Variants in CTTN observed in about 807,000 individuals in gnomAD.
CTTN encodes src substrate cortactin.
Under a neutral mutation model 84.0 loss-of-function variants are expected in CTTN, and 28 were observed. The observed-to-expected ratio is 0.33, with a 90% CI of 0.25 to 0.46. CTTN has a LOEUF of 0.46. Ranked by LOEUF, CTTN falls within the 20% of genes least tolerant of loss-of-function variation. The probability of loss-of-function intolerance (pLI) is 1.00; values close to 1 mark genes in which losing one functional copy is unlikely to be tolerated. For missense variants in CTTN, 641 were observed against 723.8 expected (o/e 0.89, Z 1.31); for synonymous variants, 301 against 288.8 (o/e 1.04, Z -0.43).
rs1252489747 is a variant in CTTN, at chr11:70,407,564, A to T, written c.134A>T (p.Gln45Leu). 1 of 1,613,884 alleles carries T rather than the reference A, an allele frequency of 6.2e-7. No individual in the cohort carries two copies. ...KEQRWGAKTVQGSGHQEHINI... is the reference protein window; with the variant it reads ...KEQRWGAKTVLGSGHQEHINI... ...CAAAGATGGGGTGCCAAGACGGTGC[A>T]GGGCTCCGGGCACCAGGAGCATATC... Residue 45 changes from glutamine (Q) to leucine (L), a missense_variant, in exon 4 of 18, where the codon CAG becomes CTG. Coordinates refer to ENST00000301843, the MANE Select transcript of CTTN (RefSeq NM_005231.4).
At chr11:70,429,280 G>A (rs1162488835) in intron 14 of CTTN, 81 bp downstream of exon 14, 1 of 1,495,170 alleles carries the variant, frequency 6.7e-7, no homozygotes, top group Non-Finnish European at 9.1e-7. Context: ...GCCTGGGCGG[G>A]GCTTATTCTC....
intron 3 of CTTN, 53 bp from the exon 4 acceptor site, chr11:70,407,465 T>G: frequency 6.2e-7 from 1 of 1,612,884 alleles, no homozygotes; most frequent in Non-Finnish European, 8.5e-7. Flanking sequence ...GGGTGGTGGT[T>G]TGTCTGTGTC....
chr11:70,429,520 T>C (rs1293606771), intron 14 of CTTN, among the ~76,000 whole-genome samples: 2 of 152,106 alleles, frequency 1.3e-5, no homozygotes, highest in Non-Finnish European at 2.9e-5. Context: ...TCCACGGGGC[T>C]CCTGTCCAAA....
chr11:70,423,042 T>C, intron 12 of CTTN, 47 bp downstream of exon 12: 1 of 1,611,166 alleles, frequency 6.2e-7, no homozygotes, highest in Non-Finnish European at 8.5e-7. Context: ...CTGCAGGGGC[T>C]CTTGGTGGGC....
chr11:70,415,567 T>C, intron 6 of CTTN, 96 bp from the exon 7 acceptor site: 1 of 1,160,826 alleles, frequency 8.6e-7, no homozygotes, highest in Non-Finnish European at 1.3e-6. Flanking sequence ...GTGTTTCATA[T>C]TTTTTTAAAT....
rs149012607 is a variant in CTTN at position 70,417,092 on chromosome 11, G to C, written c.537G>C (p.Gln179His). Reference sequence around the variant, plus strand: ...AGAGCGCGGTGGGCTTCGACTACCAGGGCAAGACGGAGAAGCACGAGTCAC... The same window carrying C: ...AGAGCGCGGTGGGCTTCGACTACCACGGCAAGACGGAGAAGCACGAGTCAC... ...VDKSAVGFDYQGKTEKHESQR... is the reference protein window; with the variant it reads ...VDKSAVGFDYHGKTEKHESQR... The change falls in exon 8 of 18, where the codon CAG becomes CAC. Residue 179 changes from glutamine to histidine, a missense_variant. Physicochemically the swap from Gln to His is conservative, Grantham distance 24. This residue lies in a region of CTTN where 284 missense variants were observed against 348.4 expected (regional missense o/e 0.82). Coordinates refer to ENST00000301843, the MANE Select transcript of CTTN (RefSeq NM_005231.4). 2.0e-4 allele frequency: 316 copies of C among 1,614,190 alleles called. 3 individuals are homozygous for C. The African/African-American group carries it at 3.9e-3, about 20-fold the overall frequency.
At chr11:70,426,802 G>C (rs963708805) in intron 13 of CTTN, among the ~76,000 whole-genome samples, 1 of 151,598 alleles carries the variant, frequency 6.6e-6, no homozygotes. Flanking sequence ...GGGTTTCACC[G>C]TGTTAGCCAG....
intron 17 of CTTN, among the ~76,000 whole-genome samples, chr11:70,434,511 C>CT (rs2058392934): frequency 6.6e-6 from 1 of 152,294 alleles, no homozygotes; most frequent in African/African-American, 2.4e-5. Context: ...CGTTCAGTGC[C>CT]TTTTGCACAC....
chr11:70,426,108 T>C (rs1459491314), intron 13 of CTTN, among the ~76,000 whole-genome samples: 1 of 152,118 alleles, frequency 6.6e-6, no homozygotes, highest in African/African-American at 2.4e-5. Context: ...TTGACTATAT[T>C]AGAAATTAGA....
At position 70,420,198 on chromosome 11, in the gene CTTN, C is replaced by G. The variant is rs148633030; in HGVS notation, c.680-202C>G. ...GGTCCTGTCTGGCTTAGTCACGATG[C>G]TGAGGTCATAGACTAGGTTATTTCC... is the stretch of plus-strand genomic sequence containing the variant. On this transcript the variant is annotated intron_variant, in intron 9 of 17. Transcript: ENST00000301843. 2.9e-3 allele frequency: 1,771 copies of G among 607,666 alleles called. 6 individuals are homozygous for G. Among genetic ancestry groups the G allele is most frequent in the Non-Finnish European group, 4.4e-3 (1,505 of 340,868 alleles). 37.6% of individuals were successfully genotyped at this position (607,666 alleles called of 1,614,324 possible).
At chr11:70,405,209 C>T (rs936623225) in intron 1 of CTTN, 56 bp from the exon 2 acceptor site, 41 of 152,312 alleles carry the variant, frequency 2.7e-4, no homozygotes, top group African/African-American at 9.6e-4. Flanking sequence ...AGGGTTTGCC[C>T]AGGGAGCTGC....
At chr11:70,433,003 T>G (rs2058371960) in intron 15 of CTTN, 98 bp from the exon 16 acceptor site, 2 of 1,286,436 alleles carry the variant, frequency 1.6e-6, no homozygotes, top group Non-Finnish European at 2.2e-6. Flanking sequence ...GACTGAGAAT[T>G]AGATGGCCCG....
chr11:70,402,460 T>G (rs914562594), intron 1 of CTTN, among the ~76,000 whole-genome samples: 1 of 152,220 alleles, frequency 6.6e-6, no homozygotes, highest in African/African-American at 2.4e-5. Flanking sequence ...GAAGCCCTTG[T>G]ACCTTTTAGC....
rs1565503681 is a variant in CTTN at position 70,436,261 on chromosome 11, TTG to T, written c.*1102_*1103del. ...CTCCAGGACACCGCTGTCCTGGCAT[TTG>T]TGGCCACTCACTTTGTAGGAAACTC... On this transcript the variant is annotated 3_prime_UTR_variant, in exon 18 of 18. Coordinates refer to ENST00000301843, the MANE Select transcript of CTTN (RefSeq NM_005231.4). 1 of 1,596,916 alleles carries T rather than the reference TTG, an allele frequency of 6.3e-7. No individual in the cohort carries two copies. The highest frequency in any genetic ancestry group is 1.1e-5 in the South Asian group (1 of 90,968).
intron 16 of CTTN, 29 bp from the exon 17 acceptor site, chr11:70,433,618 T>C (rs771281014): frequency 1.3e-6 from 2 of 1,518,400 alleles, no homozygotes; most frequent in South Asian, 2.2e-5. Context: ...GACTTTGTAT[T>C]GTTCAGCTCT....
rs2058054700 is a variant in CTTN, at chr11:70,407,456, G to A, written c.88-62G>A. The A allele has an allele frequency of 1.9e-6, 3 of 1,611,846 alleles. No individual in the cohort carries two copies. The East Asian group carries it at 6.7e-5, about 36-fold the overall frequency. Reference sequence around the variant, plus strand: ...GCTCTCCTGGGTTTTTCTTTGATGGGGTGGTGGTTTGTCTGTGTCACAATC... The same window carrying A: ...GCTCTCCTGGGTTTTTCTTTGATGGAGTGGTGGTTTGTCTGTGTCACAATC... On this transcript the variant is annotated intron_variant, in intron 3 of 17. Coordinates refer to ENST00000301843, the MANE Select transcript of CTTN (RefSeq NM_005231.4).
chr11:70,430,230 C>G (rs984722985), intron 14 of CTTN, among the ~76,000 whole-genome samples: 13 of 152,218 alleles, frequency 8.5e-5, no homozygotes, highest in Non-Finnish European at 1.6e-4. Flanking sequence ...TCAGATCCTG[C>G]CTGGGCAGCT....
chr11:70,417,352 GTTATTTATTTAT>G (rs760706283), intron 8 of CTTN, among the ~76,000 whole-genome samples: 2 of 151,960 alleles, frequency 1.3e-5, no homozygotes, highest in African/African-American at 2.4e-5. Flanking sequence ...TGGAATTTAG[GTTATTTATTTAT>G]TTATTTATTT....
intron 13 of CTTN, among the ~76,000 whole-genome samples, chr11:70,426,225 A>G (rs1010812493): frequency 1.2e-4 from 19 of 152,120 alleles, no homozygotes; most frequent in African/African-American, 4.1e-4. Context: ...GGCTAACACG[A>G]TGAAACCCCG....
Sources: allele counts gnomAD v4.1 joint callset (sites outside exome capture counted in the v4.1 genomes callset), GRCh38; gene constraint gnomAD v4.1.1; regional missense constraint gnomAD v4.1.1; transcripts MANE v1.5; gene names NCBI Gene and HGNC (gene_info 2026-07-23, HGNC 2026-07-21).